The following ARHGAP22 variants were observed in gnomAD, a reference collection of about 807,000 sequenced individuals.
ARHGAP22 encodes rho GTPase-activating protein 22.
In ARHGAP22, 48 loss-of-function variants were observed where a neutral mutation model predicts 59.1. That is an observed-to-expected ratio of 0.81 (90% CI 0.64 to 1.03). The LOEUF (loss-of-function observed/expected upper bound fraction) is 1.03, where lower values mean the gene tolerates loss of function less well. ARHGAP22 is among the 50% of genes least tolerant of loss of function. ARHGAP22 has a pLI of 0.00. For missense variants in ARHGAP22, 1,015 were observed against 958.7 expected, an observed-to-expected ratio of 1.06 and a Z score of -0.78; for synonymous variants, 445 against 416.4, an observed-to-expected ratio of 1.07 and a Z score of -0.84.
chr10:48,436,690 A>G, the ARHGAP22 span: 1 of 152,238 alleles, frequency 6.6e-6, no homozygotes, highest in Non-Finnish European at 1.5e-5. Flanking sequence ...CATCACTGTT[A>G]ATGTGCAATA....
At chr10:48,581,098 A>C (rs1001229712) in intron 2 of ARHGAP22, among the ~76,000 whole-genome samples, 1 of 152,164 alleles carries the variant, frequency 6.6e-6, no homozygotes, top group Non-Finnish European at 1.5e-5. Context: ...TCCCCCAAAG[A>C]CCAGACTCCT....
chr10:48,466,296 C>G (rs2133889340), intron 4 of ARHGAP22, among the ~76,000 whole-genome samples: 1 of 151,856 alleles, frequency 6.6e-6, no homozygotes, highest in East Asian at 2.0e-4. Context: ...AAGTCCTCGT[C>G]TCTACATGCG....
At chr10:48,648,975 G>A (rs1311779071) in intron 1 of ARHGAP22, among the ~76,000 whole-genome samples, 6 of 152,164 alleles carry the variant, frequency 3.9e-5, no homozygotes, top group Non-Finnish European at 8.8e-5. Context: ...GAGATGGAAG[G>A]GCCAAGGGTG....
In ARHGAP22 at chr10:48,446,335, C is replaced by G; in HGVS notation, c.*56G>C. 2 of 1,587,036 alleles carry G rather than the reference C, an allele frequency of 1.3e-6. No individual in the cohort carries two copies. The highest frequency in any genetic ancestry group is 1.7e-6 in the Non-Finnish European group (2 of 1,159,722). The stretch of plus-strand genomic sequence containing the variant: ...TCCAGAGATACAGACGCTTCTAACT[C>G]CATACAAGGCTGGAGACCAGCAGAC... On this transcript the variant is annotated 3_prime_UTR_variant, in exon 10 of 10. Transcript: ENST00000249601.
rs140051709 is a variant in ARHGAP22, at chr10:48,641,498, A to G, written c.52+10736T>C. ...AAACAGAACCAAAGACAAAAACCAC[A>G]TGATATCTCAATAGACGCAGAAAAG... On this transcript the variant is annotated intron_variant, in intron 1 of 9. Transcript: ENST00000435790. Among the ~76,000 whole-genome samples, 235 of 152,334 alleles carry G rather than the reference A, an allele frequency of 1.5e-3. 1 individual carries two copies. The highest frequency in any genetic ancestry group is 5.3e-3 in the African/African-American group (221 of 41,584).
chr10:48,593,892 A>G (rs2059913242), intron 1 of ARHGAP22, among the ~76,000 whole-genome samples: 1 of 152,238 alleles, frequency 6.6e-6, no homozygotes, highest in Non-Finnish European at 1.5e-5. Flanking sequence ...GTCTGGAAGG[A>G]ACATATCCCA....
At chr10:48,592,031 G>A (rs1020050687) in intron 1 of ARHGAP22, among the ~76,000 whole-genome samples, 1 of 152,020 alleles carries the variant, frequency 6.6e-6, no homozygotes, top group Non-Finnish European at 1.5e-5. Flanking sequence ...AAACCTGAGT[G>A]CCCGTTAGTA....
In ARHGAP22 at chr10:48,450,360, C is replaced by T. The variant is rs776616854; in HGVS notation, c.1769G>A (p.Arg590Gln). Residue 590 changes from arginine (R) to glutamine (Q), a missense_variant, in exon 9 of 10, where the codon CGG (arginine) becomes CAG (glutamine). Coordinates refer to ENST00000249601, the MANE Select transcript of ARHGAP22 (RefSeq NM_021226.4). ...GGCCTCGGAGCGGCGCGCGTGTTCC[C>T]GGGTGGGGCTGTCCGGCTCGCTGGG... ...SEPSEPDSPTREHARRSEALQ... is the reference protein window; with the variant it reads ...SEPSEPDSPTQEHARRSEALQ... 72 of 1,587,996 alleles carry T rather than the reference C, an allele frequency of 4.5e-5. No individual in the cohort carries two copies. The highest frequency in any genetic ancestry group is 6.1e-5 in the Non-Finnish European group (71 of 1,167,834).
intron 1 of ARHGAP22, among the ~76,000 whole-genome samples, chr10:48,618,380 G>C (rs1273890741): frequency 6.6e-6 from 1 of 151,844 alleles, no homozygotes; most frequent in Non-Finnish European, 1.5e-5. Context: ...AACCAGATAA[G>C]GACACAATAA....
chr10:48,552,229 G>A (rs2056951841), intron 3 of ARHGAP22, among the ~76,000 whole-genome samples: 1 of 152,262 alleles, frequency 6.6e-6, no homozygotes, highest in Non-Finnish European at 1.5e-5. Context: ...GTGCTGGTTG[G>A]AGAGTGAGGG....
intron 1 of ARHGAP22, among the ~76,000 whole-genome samples, chr10:48,616,564 G>A (rs942472396): frequency 3.9e-5 from 6 of 152,092 alleles, no homozygotes; most frequent in Admixed American, 6.5e-5. Flanking sequence ...AAAAGCCAGC[G>A]TCAGGGAGAG....
chr10:48,640,389 C>G (rs1331005748), intron 1 of ARHGAP22, among the ~76,000 whole-genome samples: 1 of 152,066 alleles, frequency 6.6e-6, no homozygotes, highest in East Asian at 1.9e-4. Flanking sequence ...CTCAAAGAAT[C>G]CCAAGTAGGA....
upstream of ARHGAP22, chr10:48,605,111 G>A (rs1031855651): frequency 1.6e-6 from 2 of 1,256,914 alleles, no homozygotes; most frequent in African/African-American, 3.1e-5. Context: ...TGGCCTGGGC[G>A]CACGCGTGGC....
At chr10:48,467,950 G>T (rs940293861) in intron 4 of ARHGAP22, among the ~76,000 whole-genome samples, 3 of 152,166 alleles carry the variant, frequency 2.0e-5, no homozygotes, top group Non-Finnish European at 2.9e-5. Flanking sequence ...GGCCTAGGGT[G>T]AAACAAGCCA....
upstream of ARHGAP22, among the ~76,000 whole-genome samples, chr10:48,655,267 G>GGGGGT (rs1554968305): frequency 7.2e-6 from 1 of 138,646 alleles, no homozygotes; most frequent in African/African-American, 3.0e-5. Flanking sequence ...GGGGGGGGGG[G>GGGGGT]GGGGCGGGGG....
intron 1 of ARHGAP22, among the ~76,000 whole-genome samples, chr10:48,649,269 C>T (rs2136205989): frequency 6.6e-6 from 1 of 152,300 alleles, no homozygotes; most frequent in South Asian, 2.1e-4. Context: ...CCTGGGTTCT[C>T]ACAATCCCCT....
chr10:48,518,557 G>C (rs1392347552), intron 3 of ARHGAP22, among the ~76,000 whole-genome samples: 1 of 152,224 alleles, frequency 6.6e-6, no homozygotes, highest in South Asian at 2.1e-4. Flanking sequence ...AGAAATGAGG[G>C]AAGCAAAAGC....
At chr10:48,652,461 G>A (rs61838410) in exon 1 of ARHGAP22, 7 of 625,800 alleles carry the variant, frequency 1.1e-5, no homozygotes, top group Non-Finnish European at 1.9e-5. Flanking sequence ...TAAGCAAGAA[G>A]CCTCGCTGTG....
At chr10:48,453,936 C>A in intron 7 of ARHGAP22, 152 bp downstream of exon 7, 1 of 786,276 alleles carries the variant, frequency 1.3e-6, no homozygotes, top group South Asian at 1.6e-5. Context: ...CTTTTCCACT[C>A]CCTGCTTCGT....
Sources: allele counts gnomAD v4.1 joint callset (sites outside exome capture counted in the v4.1 genomes callset), GRCh38; gene constraint gnomAD v4.1.1; transcripts MANE v1.5; gene names NCBI Gene and HGNC (gene_info 2026-07-23, HGNC 2026-07-21).